The following BCL9L variants were observed in gnomAD, a reference collection of about 807,000 sequenced individuals.
The protein encoded by BCL9L is B-cell CLL/lymphoma 9-like protein.
A neutral mutation model predicts 99.4 loss-of-function variants in BCL9L; 19 were observed. That is an observed-to-expected ratio of 0.19 (90% CI 0.13 to 0.28). The LOEUF (loss-of-function observed/expected upper bound fraction) is 0.28, where lower values mean the gene tolerates loss of function less well. Ranked by LOEUF, BCL9L falls within the 10% of genes least tolerant of loss-of-function variation. The probability of loss-of-function intolerance (pLI) is 1.00; values close to 1 mark genes in which losing one functional copy is unlikely to be tolerated. For missense variants in BCL9L, 2,023 were observed against 2,101.6 expected (o/e 0.96, Z 0.73); for synonymous variants, 900 against 854.8 (o/e 1.05, Z -0.92).
chr11:118,899,526 CAG>C lies in BCL9L; in HGVS notation c.3407-20_3407-19del, dbSNP rs761792820. 21 of 1,604,422 alleles carry C rather than the reference CAG, an allele frequency of 1.3e-5. No homozygotes were observed. The highest frequency in any genetic ancestry group is 1.8e-5 in the Non-Finnish European group (21 of 1,177,268). On this transcript the variant is annotated intron_variant, in intron 9 of 9. Coordinates refer to ENST00000683865, the MANE Select transcript of BCL9L (RefSeq NM_001378213.1). ...GCTGATCCCTGTAGGGAATAGAAGACAGGGGGTCAGGCACGGTGTGCCCAGCT... is the reference window on the plus strand; with the variant it reads ...GCTGATCCCTGTAGGGAATAGAAGACGGGGTCAGGCACGGTGTGCCCAGCT...
chr11:118,912,546 T>A (rs776266118), intron 2 of BCL9L, among the ~76,000 whole-genome samples: 1 of 152,124 alleles, frequency 6.6e-6, no homozygotes, highest in African/African-American at 2.4e-5. Flanking sequence ...AGGGTTAAAG[T>A]GGACTTGATC....
At position 118,903,330 on chromosome 11, in the gene BCL9L, G is replaced by T. The variant is rs946059968; in HGVS notation, c.655C>A (p.Pro219Thr). 1.3e-6 allele frequency: 2 copies of T among 1,588,780 alleles called. No homozygotes were observed. The highest frequency in any genetic ancestry group is 2.7e-5 in the African/African-American group (2 of 74,462). The change falls in exon 6 of 10, where the codon CCT (proline) becomes ACT (threonine). Residue 219 changes from proline to threonine, a missense_variant. By Grantham distance (38) the Pro-to-Thr change is conservative. This residue lies in a region of BCL9L where 1,116 missense variants were observed against 1,194.6 expected (regional missense o/e 0.93). Coordinates refer to ENST00000683865, the MANE Select transcript of BCL9L (RefSeq NM_001378213.1). This position sits in a 1 kb window ranked among gnomAD's most constrained non-coding sequence, Gnocchi z 5.6. ...APHGPPPGLR[P>T]DAPGGGGGGG... ...CCGCCCCCGCCCCCAGGGGCATCAG[G>T]CCGAAGGCCAGGAGGAGGGCCGTGC...
Position 118,922,488 on chromosome 11 carries a change from G to A in BCL9L, c.-131+2750C>T, listed in dbSNP as rs1314638088. Among the ~76,000 whole-genome samples, 1 of 152,298 alleles carries A rather than the reference G, an allele frequency of 6.6e-6. No individual in the cohort carries two copies. The highest frequency in any genetic ancestry group is 1.9e-4 in the East Asian group (1 of 5,180). On this transcript the variant is annotated intron_variant, in intron 1 of 9. Coordinates refer to ENST00000683865, the MANE Select transcript of BCL9L (RefSeq NM_001378213.1). This position sits in a 1 kb window ranked among gnomAD's most constrained non-coding sequence, Gnocchi z 6.2. Reference sequence around the variant, plus strand: ...GCCCCCACGGTGTGTTTGTGGGTGGGCAGCTGTCGGGGCTGGCAGGCAGGG... The same window carrying A: ...GCCCCCACGGTGTGTTTGTGGGTGGACAGCTGTCGGGGCTGGCAGGCAGGG...
chr11:118,902,801 A>C lies in BCL9L; in HGVS notation c.942T>G (p.Pro314=). Residue 314 remains proline (P), a synonymous_variant, in exon 8 of 10, where the codon CCT becomes CCG. Coordinates refer to ENST00000683865, the MANE Select transcript of BCL9L (RefSeq NM_001378213.1). This position sits in a 1 kb window ranked among gnomAD's most constrained non-coding sequence, Gnocchi z 7.8. ...GGGGCAGAGCAGGCGGGGCACTGCC[A>C]GGGGCCGGGGGTGGCGGCGGCGGCA... is the stretch of plus-strand genomic sequence containing the variant. The part of the protein sequence containing the change: ...PPLPPPPPPA[P]GSAPPALPPE... 1 of 1,560,412 alleles carries C rather than the reference A, an allele frequency of 6.4e-7. No homozygotes were observed. Among genetic ancestry groups the C allele is most frequent in the Non-Finnish European group, 8.6e-7 (1 of 1,160,206 alleles).
chr11:118,898,322 C>CCCCCCCCCCCCCCCCCCCCCCAAGGGG lies in BCL9L; in HGVS notation c.*92_*93insCCCCTTGGGGGGGGGGGGGGGGGGGGG. On this transcript the variant is annotated 3_prime_UTR_variant, in exon 10 of 10. Coordinates refer to ENST00000683865, the MANE Select transcript of BCL9L (RefSeq NM_001378213.1). ...CCCTCCCACCCCCTCCACCCCACCC[C>CCCCCCCCCCCCCCCCCCCCCCAAGGGG]GCGACCCAGGCCATCCCAACATTGA... 8.4e-7 allele frequency: 1 copy of CCCCCCCCCCCCCCCCCCCCCCAAGGGG among 1,187,932 alleles called. No individual in the cohort carries two copies. 73.6% of individuals were successfully genotyped at this position (1,187,932 alleles called of 1,614,324 possible).
In BCL9L at chr11:118,900,694, T is replaced by G; in HGVS notation, c.3049A>C (p.Ser1017Arg). 1 of 1,613,834 alleles carries G rather than the reference T, an allele frequency of 6.2e-7. No individual in the cohort carries two copies. Among genetic ancestry groups the G allele is most frequent in the Non-Finnish European group, 8.5e-7 (1 of 1,179,992 alleles). Residue 1017 changes from serine (S) to arginine (R), a missense_variant, in exon 8 of 10, where the codon AGC (serine) becomes CGC (arginine). Coordinates refer to ENST00000683865, the MANE Select transcript of BCL9L (RefSeq NM_001378213.1). This position sits in a 1 kb window ranked among gnomAD's most constrained non-coding sequence, Gnocchi z 5.3. ...TGCTTGTTCTGGGAGACCCCCGGGC[T>G]GGGCATGGCCGTCTTAGGTGAGGCA... ...WVASPKTAMP[S>R]PGVSQNKQPP...
Position 118,902,530 on chromosome 11 carries a change from C to T in BCL9L, c.1213G>A (p.Glu405Lys), listed in dbSNP as rs571501612. 2.5e-6 allele frequency: 4 copies of T among 1,604,544 alleles called. No individual in the cohort carries two copies. The highest frequency in any genetic ancestry group is 1.7e-5 in the Admixed American group (1 of 60,012). ...GSEGLSKEQL[E>K]HRERSLQTLR... ...GTCTGGAGGGACCGTTCCCGATGCT[C>T]CAGCTGCTCTTTGGACAAGCCCTCT... The change falls in exon 8 of 10, where the codon GAG (glutamate) becomes AAG (lysine). Residue 405 changes from glutamate (E) to lysine (K), a missense_variant. Around this residue, in one of 3 missense-constraint regions of BCL9L, gnomAD observed 1,116 missense variants for 1,194.6 expected, o/e 0.93. Coordinates refer to ENST00000683865, the MANE Select transcript of BCL9L (RefSeq NM_001378213.1). The surrounding 1 kb of genome is among the most constrained non-coding windows in gnomAD (Gnocchi z 7.8).
chr11:118,908,938 AC>A (rs1940655970), intron 3 of BCL9L, among the ~76,000 whole-genome samples: 1 of 151,916 alleles, frequency 6.6e-6, no homozygotes, highest in Non-Finnish European at 1.5e-5. Context: ...GAATTCACCC[AC>A]CTCAGCCCCA....
Position 118,921,039 on chromosome 11 carries a change from C to T in BCL9L, c.-130-2160G>A, listed in dbSNP as rs1402359907. Among the ~76,000 whole-genome samples the T allele has an allele frequency of 2.0e-5, 3 of 152,138 alleles. No individual in the cohort carries two copies. The highest frequency in any genetic ancestry group is 2.9e-5 in the Non-Finnish European group (2 of 68,030). The stretch of plus-strand genomic sequence containing the variant: ...AGCACACACACTCTCCAGAGGTACC[C>T]CGGACACTTACAACACAGACACAAC... On this transcript the variant is annotated intron_variant, in intron 1 of 9. Coordinates refer to ENST00000683865, the MANE Select transcript of BCL9L (RefSeq NM_001378213.1). This position sits in a 1 kb window ranked among gnomAD's most constrained non-coding sequence, Gnocchi z 5.4.
At chr11:118,908,725 C>A in intron 3 of BCL9L, 70 bp from the exon 4 acceptor site, 1 of 1,377,798 alleles carries the variant, frequency 7.3e-7, no homozygotes, top group Non-Finnish European at 9.9e-7. Context: ...AACTTAATTA[C>A]CCCATCCTGC....
At chr11:118,913,132 G>A (rs2134429652) in intron 2 of BCL9L, among the ~76,000 whole-genome samples, 1 of 152,242 alleles carries the variant, frequency 6.6e-6, no homozygotes, top group Middle Eastern at 3.4e-3. Flanking sequence ...CCTTCCCATG[G>A]CCCTGGTTCC....
chr11:118,911,454 T>TG (rs1284674527), intron 2 of BCL9L, among the ~76,000 whole-genome samples: 2 of 152,206 alleles, frequency 1.3e-5, no homozygotes, highest in African/African-American at 2.4e-5. Context: ...GGAAGGCTCC[T>TG]GGGGGAAGGT....
intron 5 of BCL9L, among the ~76,000 whole-genome samples, chr11:118,904,919 T>C (rs1414621433): frequency 1.3e-5 from 2 of 152,200 alleles, no homozygotes; most frequent in Non-Finnish European, 2.9e-5. Context: ...GACCTCAATG[T>C]GTGAAGGCTG....
At position 118,902,679 on chromosome 11, in the gene BCL9L, G is replaced by A; in HGVS notation, c.1064C>T (p.Thr355Ile). The change falls in exon 8 of 10, where the codon ACC (threonine) becomes ATC (isoleucine). Residue 355 changes from threonine to isoleucine, a missense_variant. By Grantham distance (89) the Thr-to-Ile change is moderately conservative (BLOSUM62 -1). Around this residue, in one of 3 missense-constraint regions of BCL9L, gnomAD observed 1,116 missense variants for 1,194.6 expected, o/e 0.93. Coordinates refer to ENST00000683865, the MANE Select transcript of BCL9L (RefSeq NM_001378213.1). This position sits in a 1 kb window ranked among gnomAD's most constrained non-coding sequence, Gnocchi z 7.8. ...GGGTGGTHPN[T>I]PTATTANNPL... ...GTTGTTGGCGGTGGTAGCCGTCGGG[G>A]TGTTAGGGTGGGTGCCCCCAGTCCC... 8 of 1,599,332 alleles carry A rather than the reference G, an allele frequency of 5.0e-6. No individual in the cohort carries two copies. Among genetic ancestry groups the A allele is most frequent in the Non-Finnish European group, 6.8e-6 (8 of 1,179,774 alleles).
At chr11:118,908,153 G>A in intron 4 of BCL9L, 117 bp downstream of exon 4, 2 of 1,386,104 alleles carry the variant, frequency 1.4e-6, no homozygotes, top group South Asian at 1.6e-5. Flanking sequence ...CAGAAATACT[G>A]GAGAAGAACG....
chr11:118,899,825 G>A, intron 9 of BCL9L, 92 bp downstream of exon 9: 1 of 1,474,648 alleles, frequency 6.8e-7, no homozygotes, highest in African/African-American at 1.4e-5. Flanking sequence ...GGCCTTCAGA[G>A]GCACAAAAAA....
At chr11:118,913,923 G>A (rs1940886200) in intron 2 of BCL9L, among the ~76,000 whole-genome samples, 1 of 152,178 alleles carries the variant, frequency 6.6e-6, no homozygotes, top group East Asian at 1.9e-4. Context: ...TCACAGGAAG[G>A]AAAGGAGCTC....
At chr11:118,905,386 G>A (rs1223366113) in intron 5 of BCL9L, among the ~76,000 whole-genome samples, 2 of 152,000 alleles carry the variant, frequency 1.3e-5, no homozygotes, top group Admixed American at 6.6e-5. Context: ...ACGCATGCCT[G>A]TAATCCCAGC....
chr11:118,916,734 C>A (rs1185476366), intron 2 of BCL9L, among the ~76,000 whole-genome samples: 6 of 152,204 alleles, frequency 3.9e-5, no homozygotes, highest in Non-Finnish European at 8.8e-5. Context: ...CTGGGCACTG[C>A]CCCTCAGAGA....
Sources: allele counts gnomAD v4.1 joint callset (sites outside exome capture counted in the v4.1 genomes callset), GRCh38; gene constraint gnomAD v4.1.1; regional missense constraint gnomAD v4.1.1; non-coding constraint Gnocchi (gnomAD v3.1); transcripts MANE v1.5; gene names NCBI Gene and HGNC (gene_info 2026-07-23, HGNC 2026-07-21).